The following MAML2 variants were observed in gnomAD, a reference collection of about 807,000 sequenced individuals.
The protein encoded by MAML2 is mastermind-like protein 2.
In MAML2, 22 loss-of-function variants were observed where a neutral mutation model predicts 96.1. The observed-to-expected ratio is 0.23, with a 90% CI of 0.16 to 0.33. The LOEUF is 0.33. Among genes scored for constraint, MAML2 ranks in the 10% least tolerant of loss-of-function variants. The pLI is 1.00. For synonymous variants in MAML2, 561 were observed against 521.3 expected (o/e 1.08, Z -1.04); for missense variants, 1,367 against 1,392.4 (o/e 0.98, Z 0.29).
chr11:96,058,433 C>T (rs1742147659), intron 2 of MAML2, among the ~76,000 whole-genome samples: 1 of 152,188 alleles, frequency 6.6e-6, no homozygotes, highest in Non-Finnish European at 1.5e-5. Context: ...GATTCTCCTG[C>T]CTCAGTCTCC....
Position 96,226,033 on chromosome 11 carries a change from C to T in MAML2, c.513+115350G>A, listed in dbSNP as rs1591082717. Among the ~76,000 whole-genome samples the T allele has an allele frequency of 2.6e-5, 4 of 152,280 alleles. No individual in the cohort carries two copies. In the East Asian group the frequency reaches 7.7e-4, roughly 29 times the overall value. On this transcript the variant is annotated intron_variant, in intron 1 of 4. Transcript: ENST00000524717. ...CAATTAATTACATATTTAGCAAATACTTATTGTCTCCTATCAGCCAATCAC... is the reference window on the plus strand; with the variant it reads ...CAATTAATTACATATTTAGCAAATATTTATTGTCTCCTATCAGCCAATCAC...
chr11:95,979,574 G>A lies in MAML2; in HGVS notation c.2845C>T (p.Pro949Ser), dbSNP rs1182682305. The change falls in exon 5 of 5, where the codon CCA (proline) becomes TCA (serine). Residue 949 changes from proline to serine, a missense_variant. Coordinates refer to ENST00000524717, the MANE Select transcript of MAML2 (RefSeq NM_032427.4). The stretch of plus-strand genomic sequence containing the variant: ...ATCATTACGTTTGATGTTCTCTGTG[G>A]TGGCATGCTTGCCATACTATGGGTT... ...NLTHSMASMPPQRTSNVMITS... is the reference protein window; with the variant it reads ...NLTHSMASMPSQRTSNVMITS... The A allele has an allele frequency of 6.2e-7, 1 of 1,613,954 alleles. No individual in the cohort carries two copies. Among genetic ancestry groups the A allele is most frequent in the Admixed American group, 1.7e-5 (1 of 60,024 alleles).
chr11:95,984,988 T>C (rs773765930), intron 4 of MAML2, among the ~76,000 whole-genome samples: 1 of 152,196 alleles, frequency 6.6e-6, no homozygotes, highest in Non-Finnish European at 1.5e-5. Flanking sequence ...ATTTATTTTA[T>C]ACTGAGAGAG....
intron 1 of MAML2, among the ~76,000 whole-genome samples, chr11:96,172,255 A>G (rs1393482039): frequency 6.6e-6 from 1 of 152,216 alleles, no homozygotes; most frequent in African/African-American, 2.4e-5. Flanking sequence ...TAGTATTTCT[A>G]ATTAACCCTC....
intron 3 of MAML2, among the ~76,000 whole-genome samples, chr11:95,991,221 C>A (rs1035608967): frequency 2.0e-5 from 3 of 152,114 alleles, no homozygotes; most frequent in African/African-American, 7.2e-5. Flanking sequence ...GCCTGGGGAA[C>A]AACACTGGTT....
chr11:96,166,169 TCTCTCTCTCACA>T lies in MAML2; in HGVS notation c.514-72664_514-72653del, dbSNP rs758151718. Among the ~76,000 whole-genome samples the T allele has an allele frequency of 3.4e-3, 403 of 116,854 alleles. 3 individuals are homozygous for T. Among genetic ancestry groups the T allele is most frequent in the Middle Eastern group, 0.014 (3 of 218 alleles). 76.7% of individuals were successfully genotyped at this position (116,854 alleles called of 152,430 possible). A position where few individuals can be genotyped will look rare whatever the true frequency, so the allele number is the denominator to read the frequency against. On this transcript the variant is annotated intron_variant, in intron 1 of 4. Coordinates refer to ENST00000524717, the MANE Select transcript of MAML2 (RefSeq NM_032427.4). ...CTCTCTGTCTGTCTCTCTCTCTCTC[TCTCTCTCTCACA>T]CACACACACACACACACACACACAC...
At chr11:96,255,279 A>T (rs1186461124) in intron 1 of MAML2, among the ~76,000 whole-genome samples, 3 of 152,258 alleles carry the variant, frequency 2.0e-5, no homozygotes, top group African/African-American at 7.2e-5. Flanking sequence ...ACTGTCAAGC[A>T]TCATGTTAGA....
chr11:96,148,603 C>CA (rs61520559), intron 1 of MAML2, among the ~76,000 whole-genome samples: 150,851 of 150,858 alleles, frequency 1, 75,422 homozygotes, highest in Middle Eastern at 1. Flanking sequence ...TGTTGGGGAT[C>CA]AATATGAAGT....
At chr11:96,109,568 T>C (rs1304541553) in intron 1 of MAML2, among the ~76,000 whole-genome samples, 2 of 152,118 alleles carry the variant, frequency 1.3e-5, no homozygotes, top group African/African-American at 4.8e-5. Flanking sequence ...AAACAAAGTT[T>C]ATGATTAATT....
chr11:96,204,555 A>G (rs1221394903), intron 1 of MAML2, among the ~76,000 whole-genome samples: 1 of 152,242 alleles, frequency 6.6e-6, no homozygotes, highest in South Asian at 2.1e-4. Flanking sequence ...TATTCAAGAT[A>G]ATAAAGAGGT....
chr11:96,090,527 A>C (rs1859686260), intron 2 of MAML2, among the ~76,000 whole-genome samples: 1 of 152,216 alleles, frequency 6.6e-6, no homozygotes. Context: ...ATTCATCCAA[A>C]TCAAAGTGCC....
intron 1 of MAML2, among the ~76,000 whole-genome samples, chr11:96,195,846 T>A (rs1861721938): frequency 6.6e-6 from 1 of 152,208 alleles, no homozygotes; most frequent in African/African-American, 2.4e-5. Flanking sequence ...AAAAACGACA[T>A]GTTCCACCAT....
At chr11:96,009,680 C>T (rs571839534) in intron 2 of MAML2, among the ~76,000 whole-genome samples, 4 of 152,206 alleles carry the variant, frequency 2.6e-5, no homozygotes, top group African/African-American at 9.6e-5. Context: ...TTAGGGAAGC[C>T]AGGAAAAGCA....
Position 96,111,405 on chromosome 11 carries a change from C to T in MAML2, c.514-17888G>A, listed in dbSNP as rs577410303. On this transcript the variant is annotated intron_variant, in intron 1 of 4. Coordinates refer to ENST00000524717, the MANE Select transcript of MAML2 (RefSeq NM_032427.4). ...TACGCAGATGCAATTTATCTTTGCG[C>T]GCAGCTGGTCTGTGTGCATGTGTGT... Among the ~76,000 whole-genome samples, 90 of 152,218 alleles carry T rather than the reference C, an allele frequency of 5.9e-4. 1 individual carries two copies. The South Asian group carries it at 0.017, about 28-fold the overall frequency.
intron 2 of MAML2, among the ~76,000 whole-genome samples, chr11:96,060,323 A>T (rs1201066589): frequency 6.6e-6 from 1 of 152,234 alleles, no homozygotes; most frequent in East Asian, 1.9e-4. Flanking sequence ...TGTTTCTAAT[A>T]TACCAAACAG....
chr11:96,166,171 T>TCACACACA (rs776905938), intron 1 of MAML2, among the ~76,000 whole-genome samples: 1 of 117,692 alleles, frequency 8.5e-6, no homozygotes, highest in East Asian at 2.1e-4. Flanking sequence ...TCTCTCTCTC[T>TCACACACA]CTCTCTCACA....
rs560054713 is a variant in MAML2, at chr11:96,232,925, A to C, written c.513+108458T>G. Among the ~76,000 whole-genome samples, 4 of 152,356 alleles carry C rather than the reference A, an allele frequency of 2.6e-5. No individual in the cohort carries two copies. The East Asian group carries it at 5.8e-4, about 22-fold the overall frequency. ...CTGAAAATTGATGAGAAAAGTAAGA[A>C]ATCAGCCTTCTTATTTAAGCCCTGA... On this transcript the variant is annotated intron_variant, in intron 1 of 4. Transcript: ENST00000524717.
intron 1 of MAML2, among the ~76,000 whole-genome samples, chr11:96,148,944 A>T (rs1860870906): frequency 6.6e-6 from 1 of 152,146 alleles, no homozygotes; most frequent in South Asian, 2.1e-4. Flanking sequence ...TGTGAAATTG[A>T]TTTCTGAATC....
chr11:96,305,766 G>T (rs1044328447), intron 1 of MAML2, among the ~76,000 whole-genome samples: 5 of 152,102 alleles, frequency 3.3e-5, no homozygotes, highest in African/African-American at 9.7e-5. Context: ...GAACTTAGAA[G>T]TACGGTAACT....
Sources: allele counts gnomAD v4.1 joint callset (sites outside exome capture counted in the v4.1 genomes callset), GRCh38; gene constraint gnomAD v4.1.1; transcripts MANE v1.5; gene names NCBI Gene and HGNC (gene_info 2026-07-23, HGNC 2026-07-21).